P2RX7: variants seen among roughly 807,000 people sequenced by gnomAD.
P2RX7 encodes purinergic receptor P2X 7.
A neutral mutation model predicts 71.6 loss-of-function variants in P2RX7; 62 were observed. The observed-to-expected ratio is 0.87, with a 90% CI of 0.71 to 1.07. The LOEUF (loss-of-function observed/expected upper bound fraction) is 1.07. Ranked by LOEUF, P2RX7 falls within the 50% of genes least tolerant of loss-of-function variation. The probability of loss-of-function intolerance (pLI) is 0.00; values close to 1 mark genes in which losing one functional copy is unlikely to be tolerated. For missense variants in P2RX7, 686 were observed against 748.5 expected (o/e 0.92, Z 0.97); for synonymous variants, 299 against 283.3 (o/e 1.06, Z -0.56).
At chr12:121,165,030 C>A (rs1880718093) in intron 5 of P2RX7, among the ~76,000 whole-genome samples, 1 of 152,066 alleles carries the variant, frequency 6.6e-6, no homozygotes, top group Admixed American at 6.5e-5. Flanking sequence ...ACAAGAACAG[C>A]AAGGAGGAAG....
intron 5 of P2RX7, 50 bp downstream of exon 5, chr12:121,162,570 G>A: frequency 6.3e-7 from 1 of 1,599,118 alleles, no homozygotes; most frequent in South Asian, 1.1e-5. Context: ...GCGACCAGAT[G>A]AGGCCTTGCC....
chr12:121,179,328 G>A (rs576420139), intron 11 of P2RX7, among the ~76,000 whole-genome samples: 2 of 151,842 alleles, frequency 1.3e-5, no homozygotes, highest in Non-Finnish European at 2.9e-5. Flanking sequence ...GAGAAACCCC[G>A]TCTCTACTAA....
chr12:121,184,751 A>G lies in P2RX7; in HGVS notation c.1737A>G (p.Lys579=), dbSNP rs1247174663. ...LPSCCRWRIR[K]EFPKSEGQYS... Reference sequence around the variant, plus strand: ...GCTGCTGCCGCTGGAGGATCCGGAAAGAGTTTCCGAAGAGTGAAGGGCAGT... The same window carrying G: ...GCTGCTGCCGCTGGAGGATCCGGAAGGAGTTTCCGAAGAGTGAAGGGCAGT... The change falls in exon 13 of 13, where the codon AAA becomes AAG. Residue 579 remains lysine, a synonymous_variant. Transcript: ENST00000328963. The G allele has an allele frequency of 2.6e-6, 4 of 1,554,546 alleles. No homozygotes were observed. The highest frequency in any genetic ancestry group is 3.5e-6 in the Non-Finnish European group (4 of 1,148,540).
chr12:121,171,862 CT>C (rs779128209), intron 8 of P2RX7, among the ~76,000 whole-genome samples: 4,126 of 131,042 alleles, frequency 0.031, 178 homozygotes, highest in African/African-American at 0.11. Context: ...TTCTTTCTTT[CT>C]TTTTTTTTTT....
rs1256416846 is a variant in P2RX7, at chr12:121,162,427, T to C, written c.440T>C (p.Ile147Thr). The C allele has an allele frequency of 6.2e-7, 1 of 1,613,802 alleles. No homozygotes were observed. The highest frequency in any genetic ancestry group is 8.5e-7 in the Non-Finnish European group (1 of 1,179,960). ...TACGATGCTTTGACCCCTATAGGAA[T>C]TCAGACCGGAAGGTGTGTAGTGTAT... ...KGWMDPQSKG[I>T]QTGRCVVYEG... is the part of the protein sequence containing the mutation. The change falls in exon 5 of 13, where the codon ATT (isoleucine) becomes ACT (threonine). Residue 147 changes from isoleucine to threonine, a missense_variant. Ile to Thr is a moderately conservative substitution (Grantham distance 89, BLOSUM62 -1). Transcript: ENST00000328963.
intron 1 of P2RX7, among the ~76,000 whole-genome samples, chr12:121,144,827 CAAG>C (rs1250439039): frequency 6.6e-5 from 10 of 151,936 alleles, no homozygotes; most frequent in African/African-American, 1.9e-4. Context: ...GGTGAGTGGA[CAAG>C]AAGGAGAGGA....
At chr12:121,161,075 T>C in intron 4 of P2RX7, 101 bp downstream of exon 4, 3 of 887,974 alleles carry the variant, frequency 3.4e-6, no homozygotes, top group Non-Finnish European at 3.8e-6. Context: ...TGCTCTCAGC[T>C]GCCCTCTTCC....
chr12:121,154,636 C>T lies in P2RX7; in HGVS notation c.126-149C>T. 2 of 675,316 alleles carry T rather than the reference C, an allele frequency of 3.0e-6. No homozygotes were observed. Among genetic ancestry groups the T allele is most frequent in the South Asian group, 3.3e-5 (2 of 59,720 alleles). The allele number at this position is 675,316 out of a possible 1,614,324, so 41.8% of individuals were successfully genotyped here. A position where few individuals can be genotyped will look rare whatever the true frequency, so the allele number is the denominator to read the frequency against. On this transcript the variant is annotated intron_variant, in intron 1 of 12. Transcript: ENST00000328963. The surrounding 1 kb of genome is among the most constrained non-coding windows in gnomAD (Gnocchi z 4.2). ...ATGAGGCAGGTATGACTATTCTTCCCATTATCCAGAGAGGGAAAACAAGTC... is the reference window on the plus strand; with the variant it reads ...ATGAGGCAGGTATGACTATTCTTCCTATTATCCAGAGAGGGAAAACAAGTC...
chr12:121,134,793 C>T (rs773007747), intron 1 of P2RX7, among the ~76,000 whole-genome samples: 1 of 152,084 alleles, frequency 6.6e-6, no homozygotes, highest in Non-Finnish European at 1.5e-5. Context: ...CTCTTATTCT[C>T]TGTGCTGATT....
At chr12:121,158,655 C>T (rs1476333775) in intron 3 of P2RX7, among the ~76,000 whole-genome samples, 2 of 152,136 alleles carry the variant, frequency 1.3e-5, no homozygotes, top group Non-Finnish European at 2.9e-5. Context: ...GAGAAAGTGA[C>T]CAAGAATTTG....
At chr12:121,143,150 T>G (rs922513517) in intron 1 of P2RX7, among the ~76,000 whole-genome samples, 3 of 140,090 alleles carry the variant, frequency 2.1e-5, no homozygotes, top group African/African-American at 2.7e-5. Flanking sequence ...GAGGCCCAGG[T>G]GGGCAGATCA....
intron 1 of P2RX7, 66 bp downstream of exon 1, chr12:121,133,161 C>A: frequency 1.9e-6 from 3 of 1,571,680 alleles, no homozygotes; most frequent in Non-Finnish European, 2.6e-6. Flanking sequence ...CCCCAGCGGG[C>A]AGCTTCAGGT....
chr12:121,163,505 A>G (rs1963773), intron 5 of P2RX7, among the ~76,000 whole-genome samples: 22,981 of 152,048 alleles, frequency 0.15, 2,555 homozygotes, highest in African/African-American at 0.31. Flanking sequence ...TATTGAGTAC[A>G]TGAAATGCGA....
In P2RX7 at chr12:121,184,675, C is replaced by T; in HGVS notation, c.1661C>T (p.Ala554Val). 3 of 1,585,068 alleles carry T rather than the reference C, an allele frequency of 1.9e-6. No individual in the cohort carries two copies. The highest frequency in any genetic ancestry group is 1.1e-5 in the South Asian group (1 of 87,754). ...RLRHCAYRCY[A>V]TWRFGSQDMA... The stretch of plus-strand genomic sequence containing the variant: ...CGGCACTGTGCCTACAGGTGCTACG[C>T]CACCTGGCGCTTCGGCTCCCAGGAC... The change falls in exon 13 of 13, where the codon GCC (alanine) becomes GTC (valine). Residue 554 changes from alanine to valine, a missense_variant. Ala to Val is a moderately conservative substitution (Grantham distance 64). Transcript: ENST00000328963.
At chr12:121,169,000 T>C (rs1881663357) in intron 8 of P2RX7, among the ~76,000 whole-genome samples, 1 of 152,176 alleles carries the variant, frequency 6.6e-6, no homozygotes, top group Admixed American at 6.5e-5. Context: ...AGTCTCACTC[T>C]GTCACCCAGG....
Position 121,154,993 on chromosome 12 carries a change from C to T in P2RX7, c.294+40C>T, listed in dbSNP as rs1878274236. The T allele has an allele frequency of 6.2e-7, 1 of 1,608,910 alleles. No homozygotes were observed. Among genetic ancestry groups the T allele is most frequent in the Non-Finnish European group, 8.5e-7 (1 of 1,177,072 alleles). ...GCATTCTCCCAGGCTCGTCGCTGGT[C>T]ACCGTCGCCAGGGCCTAGCTCCCTT... On this transcript the variant is annotated intron_variant, in intron 2 of 12. Coordinates refer to ENST00000328963, the MANE Select transcript of P2RX7 (RefSeq NM_002562.6). This position sits in a 1 kb window ranked among gnomAD's most constrained non-coding sequence, Gnocchi z 4.2.
intron 4 of P2RX7, chr12:121,162,140 T>TC (rs1417168214): frequency 1.1e-5 from 9 of 825,430 alleles, no homozygotes; most frequent in Non-Finnish European, 1.5e-5. Flanking sequence ...ATACACCTGT[T>TC]CCGCTCCCCT....
intron 12 of P2RX7, among the ~76,000 whole-genome samples, chr12:121,183,598 C>A (rs1450773008): frequency 2.0e-5 from 3 of 150,538 alleles, no homozygotes; most frequent in African/African-American, 4.9e-5. Flanking sequence ...AATACACACA[C>A]ACACACACAC....
chr12:121,147,996 T>C (rs1876574962), intron 1 of P2RX7, among the ~76,000 whole-genome samples: 1 of 152,080 alleles, frequency 6.6e-6, no homozygotes, highest in South Asian at 2.1e-4. Flanking sequence ...AGATCTATCT[T>C]TATCACAGAT....
Sources: allele counts gnomAD v4.1 joint callset (sites outside exome capture counted in the v4.1 genomes callset), GRCh38; gene constraint gnomAD v4.1.1; non-coding constraint Gnocchi (gnomAD v3.1); transcripts MANE v1.5; gene names NCBI Gene and HGNC (gene_info 2026-07-23, HGNC 2026-07-21).